MOG: variants seen among roughly 807,000 people sequenced by gnomAD.
The protein encoded by MOG is myelin-oligodendrocyte glycoprotein.
Under a neutral mutation model 35.9 loss-of-function variants are expected in MOG, and 20 were observed. The ratio of observed to expected loss-of-function variants is 0.56; its 90% CI spans 0.39 to 0.81. MOG has a LOEUF of 0.81. Among genes scored for constraint, MOG ranks in the 30% least tolerant of loss-of-function variants. MOG has a pLI of 0.00. For synonymous variants in MOG, 92 were observed against 114.3 expected, an observed-to-expected ratio of 0.80 and a Z score of 1.25; for missense variants, 251 against 301.0, an observed-to-expected ratio of 0.83 and a Z score of 1.23.
rs34440291 is a variant in MOG at position 29,672,333 on chromosome 6, T to TAAAA, written c.*1151_*1154dup. On this transcript the variant is annotated 3_prime_UTR_variant, in exon 8 of 8. Transcript: ENST00000376917. The stretch of plus-strand genomic sequence containing the variant: ...ATAAATAAATAAATAAATAAATAAA[T>TAAAA]AAAAAATAATAATACAAGTTTTCAT... 53 of 301,264 alleles carry TAAAA rather than the reference T, an allele frequency of 1.8e-4. No homozygotes were observed. The Middle Eastern group carries it at 2.7e-3, about 16-fold the overall frequency. 18.7% of individuals were successfully genotyped at this position (301,264 alleles called of 1,614,324 possible).
chr6:29,663,284 A>AG (rs9280632), intron 2 of MOG, among the ~76,000 whole-genome samples: 1 of 147,834 alleles, frequency 6.8e-6, no homozygotes, highest in African/African-American at 2.5e-5. Context: ...AAAAAAAAAA[A>AG]GCCCCCCCTC....
chr6:29,670,207 A>C lies in MOG; in HGVS notation c.593-74A>C. 2 of 1,614,188 alleles carry C rather than the reference A, an allele frequency of 1.2e-6. No individual in the cohort carries two copies. The highest frequency in any genetic ancestry group is 2.2e-5 in the South Asian group (2 of 91,084). On this transcript the variant is annotated intron_variant, in intron 5 of 7. Transcript: ENST00000376917. This position sits in a 1 kb window ranked among gnomAD's most constrained non-coding sequence, Gnocchi z 4.2. ...GGTGTTCTAGGACCCCAGGTTAAGGAACCAAAAAAGACAGGTGGGTGGGGC... is the reference window on the plus strand; with the variant it reads ...GGTGTTCTAGGACCCCAGGTTAAGGCACCAAAAAAGACAGGTGGGTGGGGC...
In MOG at chr6:29,670,297, G is replaced by A. The variant is rs1438349525; in HGVS notation, c.609G>A (p.Arg203=). 1 of 1,614,108 alleles carries A rather than the reference G, an allele frequency of 6.2e-7. No individual in the cohort carries two copies. Among genetic ancestry groups the A allele is most frequent in the African/African-American group, 1.3e-5 (1 of 75,016 alleles). Residue 203 remains arginine, a synonymous_variant, in exon 6 of 8, where the codon AGG becomes AGA. Coordinates refer to ENST00000376917, the MANE Select transcript of MOG (RefSeq NM_206809.4). The surrounding 1 kb of genome is among the most constrained non-coding windows in gnomAD (Gnocchi z 4.2). ...ACAATTCAGATCCCCACTTTCTGAG[G>A]GTGCCCTGCTGGAAGATAACCCTGT... ...LHRTFDPHFL[R]VPCWKITLFV...
intron 2 of MOG, chr6:29,661,619 G>C (rs9468576): frequency 2.2e-6 from 2 of 895,808 alleles, no homozygotes; most frequent in South Asian, 1.0e-4. Flanking sequence ...TCGGGAGTTC[G>C]AGACTAGCCT....
At position 29,671,275 on chromosome 6, in the gene MOG, A is replaced by G; in HGVS notation, c.*90A>G. ...ATCTCATCCATCAAGTTGCACACTC[A>G]CTGGCATCTTTGCTATGGGGACATT... On this transcript the variant is annotated 3_prime_UTR_variant, in exon 8 of 8. Coordinates refer to ENST00000376917, the MANE Select transcript of MOG (RefSeq NM_206809.4). 6.2e-7 allele frequency: 1 copy of G among 1,611,960 alleles called. No homozygotes were observed. The highest frequency in any genetic ancestry group is 1.1e-5 in the South Asian group (1 of 91,032).
At chr6:29,659,125 T>A (rs1767885662) in intron 1 of MOG, among the ~76,000 whole-genome samples, 194 bp from the exon 2 acceptor site, 1 of 151,482 alleles carries the variant, frequency 6.6e-6, no homozygotes, top group South Asian at 2.1e-4. Flanking sequence ...AGTAAGACTG[T>A]CTCAAAAAAT....
At position 29,670,467 on chromosome 6, in the gene MOG, A is replaced by T; in HGVS notation, c.709+70A>T. ...CCAAGTCAGCTCTGAATGGGAAGCCAAAAGAGAATAGAACCAGGACTCAAG... is the reference window on the plus strand; with the variant it reads ...CCAAGTCAGCTCTGAATGGGAAGCCTAAAGAGAATAGAACCAGGACTCAAG... On this transcript the variant is annotated intron_variant, in intron 6 of 7. Coordinates refer to ENST00000376917, the MANE Select transcript of MOG (RefSeq NM_206809.4). This position sits in a 1 kb window ranked among gnomAD's most constrained non-coding sequence, Gnocchi z 4.2. 1 of 1,542,908 alleles carries T rather than the reference A, an allele frequency of 6.5e-7. No individual in the cohort carries two copies. The highest frequency in any genetic ancestry group is 9.0e-7 in the Non-Finnish European group (1 of 1,116,952).
chr6:29,657,251 C>T lies in MOG; in HGVS notation c.42C>T (p.Cys14=). The change falls in exon 1 of 8, where the codon TGC becomes TGT. Residue 14 remains cysteine, a synonymous_variant. Coordinates refer to ENST00000376917, the MANE Select transcript of MOG (RefSeq NM_206809.4). Reference sequence around the variant, plus strand: ...GACCCTCTCTGCCCAGCTGCCTCTGCTCCTTCCTCCTCCTCCTCCTCCTCC... The same window carrying T: ...GACCCTCTCTGCCCAGCTGCCTCTGTTCCTTCCTCCTCCTCCTCCTCCTCC... ...LSRPSLPSCL[C]SFLLLLLLQV... 1 of 1,607,056 alleles carries T rather than the reference C, an allele frequency of 6.2e-7. No individual in the cohort carries two copies. Among genetic ancestry groups the T allele is most frequent in the Non-Finnish European group, 8.5e-7 (1 of 1,177,912 alleles).
intron 2 of MOG, among the ~76,000 whole-genome samples, chr6:29,660,994 C>T (rs1020153808): frequency 1.3e-5 from 2 of 152,172 alleles, no homozygotes; most frequent in Admixed American, 1.3e-4. Flanking sequence ...CAGGCATGAG[C>T]CATGGTGCCC....
At chr6:29,659,928 T>C (rs778547463) in intron 2 of MOG, 22 of 581,036 alleles carry the variant, frequency 3.8e-5, no homozygotes, top group Non-Finnish European at 6.4e-5. Context: ...ACTGTGAATA[T>C]TATGCAGGCA....
chr6:29,661,475 C>A lies in MOG; in HGVS notation c.436+1809C>A, dbSNP rs187616453. ...TTTCTCCTTCCTGCTCAACAACTTC[C>A]TAGCTCAGTAACTGCCTCTCCCAAC... On this transcript the variant is annotated intron_variant, in intron 2 of 7. Coordinates refer to ENST00000376917, the MANE Select transcript of MOG (RefSeq NM_206809.4). 3.9e-3 allele frequency: 3,828 copies of A among 985,340 alleles called. 10 individuals are homozygous for A. Among genetic ancestry groups the A allele is most frequent in the Non-Finnish European group, 4.3e-3 (3,579 of 829,892 alleles). The allele number at this position is 985,340 out of a possible 1,614,324, so 61.0% of individuals were successfully genotyped here. A position where few individuals can be genotyped will look rare whatever the true frequency, so the allele number is the denominator to read the frequency against.
chr6:29,657,937 G>A (rs1240884802), intron 1 of MOG, among the ~76,000 whole-genome samples: 2 of 152,098 alleles, frequency 1.3e-5, no homozygotes, highest in African/African-American at 2.4e-5. Flanking sequence ...GAGCCATTGC[G>A]TCTGACCCAG....
chr6:29,667,895 C>T lies in MOG; in HGVS notation c.572-9C>T. ...CTACTAAATCCATTTCCATTTGTTT[C>T]TCTTTCAGAGAATCTCCACCGGACT... On this transcript the variant is annotated splice_polypyrimidine_tract_variant and intron_variant, in intron 4 of 7. Transcript: ENST00000376917. 1.9e-6 allele frequency: 3 copies of T among 1,613,604 alleles called. No individual in the cohort carries two copies. Among genetic ancestry groups the T allele is most frequent in the Non-Finnish European group, 2.5e-6 (3 of 1,179,948 alleles).
At chr6:29,667,731 G>A (rs1318631) in intron 4 of MOG, 68 bp downstream of exon 4, 345,917 of 1,587,292 alleles carry the variant, frequency 0.22, 39,764 homozygotes, top group East Asian at 0.27. Flanking sequence ...AAATGGTCCC[G>A]TTCTTGGACC....
chr6:29,667,861 T>C (rs1001805033), intron 4 of MOG, 43 bp from the exon 5 acceptor site: 2 of 1,612,422 alleles, frequency 1.2e-6, no homozygotes, highest in East Asian at 2.2e-5. Flanking sequence ...AAGATCCTTT[T>C]TGAGTGCCCT....
chr6:29,666,552 C>T (rs1410039249), intron 3 of MOG, among the ~76,000 whole-genome samples: 2 of 152,144 alleles, frequency 1.3e-5, no homozygotes, highest in Admixed American at 6.5e-5. Context: ...CAGTGACTTA[C>T]TCAAACCGAT....
intron 2 of MOG, among the ~76,000 whole-genome samples, chr6:29,665,780 T>C (rs1174429473): frequency 7.5e-6 from 1 of 133,038 alleles, no homozygotes; most frequent in Non-Finnish European, 1.6e-5. Context: ...TGAAATTTAG[T>C]GTTTATTTTA....
intron 2 of MOG, 195 bp downstream of exon 2, chr6:29,659,861 G>A: frequency 1.6e-6 from 1 of 626,216 alleles, no homozygotes; most frequent in Non-Finnish European, 2.8e-6. Flanking sequence ...CAAGGAAATT[G>A]GGATCAAAAT....
intron 1 of MOG, 61 bp downstream of exon 1, chr6:29,657,358 G>A: frequency 1.6e-6 from 2 of 1,254,180 alleles, no homozygotes; most frequent in South Asian, 1.3e-5. Context: ...CTAGTTTCCT[G>A]GGGCTTAGCT....
Sources: gnomAD v4.1 joint callset for allele counts (sites outside exome capture counted in the v4.1 genomes callset) on GRCh38, gnomAD v4.1.1 for gene constraint, Gnocchi (gnomAD v3.1) non-coding constraint, MANE v1.5 for transcripts, NCBI Gene and HGNC (gene_info 2026-07-23, HGNC 2026-07-21) for gene names.